MYH9: variants seen among roughly 807,000 people sequenced by gnomAD.
MYH9 encodes the protein myosin-9.
A neutral mutation model predicts 241.9 loss-of-function variants in MYH9; 29 were observed. That is an observed-to-expected ratio of 0.12 (90% CI 0.09 to 0.16). MYH9 has a LOEUF of 0.16. Ranked by LOEUF, MYH9 falls within the 10% of genes least tolerant of loss-of-function variation. MYH9 has a pLI of 1.00. For missense variants in MYH9, 1,803 were observed against 2,595.5 expected (o/e 0.69, Z 6.63); for synonymous variants, 1,047 against 1,062.6 (o/e 0.99, Z 0.29).
intron 19 of MYH9, among the ~76,000 whole-genome samples, chr22:36,303,241 G>C (rs927842241): frequency 6.6e-6 from 1 of 152,064 alleles, no homozygotes; most frequent in Non-Finnish European, 1.5e-5. Flanking sequence ...AAGGGGACGA[G>C]TGTGCAGTGC....
intron 3 of MYH9, among the ~76,000 whole-genome samples, chr22:36,332,568 G>A (rs748917894): frequency 1.0e-4 from 15 of 148,864 alleles, no homozygotes; most frequent in Admixed American, 2.0e-4. Context: ...TGATCTCCCA[G>A]GTGGAACCTG....
intron 10 of MYH9, among the ~76,000 whole-genome samples, chr22:36,318,893 A>G (rs2017204042): frequency 6.6e-6 from 1 of 151,992 alleles, no homozygotes; most frequent in African/African-American, 2.4e-5. Context: ...CCTCCCAAGT[A>G]GCTGGGATTA....
intron 14 of MYH9, 54 bp downstream of exon 14, chr22:36,311,995 A>G (rs2017071771): frequency 6.2e-7 from 1 of 1,600,512 alleles, no homozygotes; most frequent in South Asian, 1.1e-5. Context: ...GAGAGCCTCG[A>G]CTCCACCTCT....
Position 36,288,529 on chromosome 22 carries a change from C to G in MYH9, c.4771-116G>C, listed in dbSNP as rs1447507604. The G allele has an allele frequency of 1.3e-5, 18 of 1,429,626 alleles. No homozygotes were observed. The highest frequency in any genetic ancestry group is 1.6e-5 in the Non-Finnish European group (16 of 1,029,674). The allele number at this position is 1,429,626 out of a possible 1,614,324, so 88.6% of individuals were successfully genotyped here. ...CAGGATCCATGGGGCCTCGGGAAAC[C>G]AGTGGGGATTACTGACCATAAGAAC... On this transcript the variant is annotated intron_variant, in intron 33 of 40. Transcript: ENST00000216181. This position sits in a 1 kb window ranked among gnomAD's most constrained non-coding sequence, Gnocchi z 4.8.
chr22:36,348,835 A>AGGG, intron 2 of MYH9, 69 bp downstream of exon 2: 6 of 868,996 alleles, frequency 6.9e-6, no homozygotes, highest in Non-Finnish European at 9.9e-6. Context: ...GGTGATGGGA[A>AGGG]GACCCGCCCC....
Position 36,347,926 on chromosome 22 carries a change from C to T in MYH9, c.333+978G>A, listed in dbSNP as rs911425444. Among the ~76,000 whole-genome samples the T allele has an allele frequency of 3.3e-5, 5 of 151,510 alleles. No homozygotes were observed. In the East Asian group the frequency reaches 5.8e-4, roughly 18 times the overall value. Reference sequence around the variant, plus strand: ...CAAAGCAGGAAACCAGGAACTGGCACTCCCTACTTTAGAAGGAATCTACTA... The same window carrying T: ...CAAAGCAGGAAACCAGGAACTGGCATTCCCTACTTTAGAAGGAATCTACTA... On this transcript the variant is annotated intron_variant, in intron 2 of 40. Coordinates refer to ENST00000216181, the MANE Select transcript of MYH9 (RefSeq NM_002473.6).
intron 5 of MYH9, among the ~76,000 whole-genome samples, chr22:36,326,263 C>G (rs1874845376): frequency 6.6e-6 from 1 of 152,198 alleles, no homozygotes; most frequent in African/African-American, 2.4e-5. Flanking sequence ...CTTCCAGCCT[C>G]AGAAGGGGAG....
rs528446878 is a variant in MYH9 at position 36,348,282 on chromosome 22, G to A, written c.333+622C>T. Among the ~76,000 whole-genome samples, 153 of 151,310 alleles carry A rather than the reference G, an allele frequency of 1.0e-3. 1 individual carries two copies. The highest frequency in any genetic ancestry group is 3.4e-3 in the Middle Eastern group (1 of 292). On this transcript the variant is annotated intron_variant, in intron 2 of 40. Coordinates refer to ENST00000216181, the MANE Select transcript of MYH9 (RefSeq NM_002473.6). Reference sequence around the variant, plus strand: ...CCAGCACTTTGGGAGGCCGAGGCGGGTGGATCACCTGAGGTCAGGCATTCA... The same window carrying A: ...CCAGCACTTTGGGAGGCCGAGGCGGATGGATCACCTGAGGTCAGGCATTCA...
chr22:36,370,600 T>G (rs1207117514), intron 1 of MYH9, among the ~76,000 whole-genome samples: 5 of 152,182 alleles, frequency 3.3e-5, no homozygotes, highest in African/African-American at 7.2e-5. Flanking sequence ...GAGTTTAGGT[T>G]ATAGTCCTGC....
At chr22:36,327,403 C>A (rs2017352967) in intron 4 of MYH9, 58 bp downstream of exon 4, 1 of 1,607,896 alleles carries the variant, frequency 6.2e-7, no homozygotes, top group Non-Finnish European at 8.5e-7. Flanking sequence ...TAGGAGACCT[C>A]AAGAATGAGA....
At chr22:36,383,665 A>G (rs866393875) in intron 1 of MYH9, among the ~76,000 whole-genome samples, 4,032 of 142,362 alleles carry the variant, frequency 0.028, 73 homozygotes, top group Middle Eastern at 0.076. Flanking sequence ...TTAAAAAAAA[A>G]GGGGGGGGGG....
At chr22:36,346,151 C>CAAAAAAAAA (rs56232061) in intron 2 of MYH9, among the ~76,000 whole-genome samples, 2 of 121,284 alleles carry the variant, frequency 1.6e-5, no homozygotes, top group African/African-American at 6.0e-5. Flanking sequence ...GACTCCGTCT[C>CAAAAAAAAA]AAAAAAAAAA....
At position 36,286,813 on chromosome 22, in the gene MYH9, C is replaced by T. The variant is rs763871537; in HGVS notation, c.4966G>A (p.Asp1656Asn). The change falls in exon 35 of 41, where the codon GAC (aspartate) becomes AAC (asparagine). Residue 1656 changes from aspartate to asparagine, a missense_variant. Physicochemically the swap from Asp to Asn is conservative, Grantham distance 23 (BLOSUM62 1). Coordinates refer to ENST00000216181, the MANE Select transcript of MYH9 (RefSeq NM_002473.6). ...ATCTCCTCACGAGAGGCGCGGGTGT[C>T]ATCCAGCTCGCGCATGCAGTCCTTC... The part of the protein sequence containing the change: ...QMKDCMRELD[D>N]TRASREEILA... 3 of 1,611,174 alleles carry T rather than the reference C, an allele frequency of 1.9e-6. No homozygotes were observed. The highest frequency in any genetic ancestry group is 2.5e-6 in the Non-Finnish European group (3 of 1,180,028).
intron 11 of MYH9, among the ~76,000 whole-genome samples, chr22:36,317,100 G>A (rs188983966): frequency 3.3e-5 from 5 of 151,106 alleles, no homozygotes; most frequent in Admixed American, 6.6e-5. Context: ...CACCCTAAAC[G>A]CGCCCGATCT....
rs1226192819 is a variant in MYH9 at position 36,284,136 on chromosome 22, C to T, written c.5722G>A (p.Asp1908Asn). 5 of 1,614,084 alleles carry T rather than the reference C, an allele frequency of 3.1e-6. No individual in the cohort carries two copies. In the African/African-American group the frequency reaches 4.0e-5, roughly 13 times the overall value. The part of the protein sequence containing the change: ...RELEDATETA[D>N]AMNREVSSLK... ...GAGCTGACTTCGCGGTTCATGGCATCGGCCGTCTCAGTGGCGTCCTCCAGC... is the reference window on the plus strand; with the variant it reads ...GAGCTGACTTCGCGGTTCATGGCATTGGCCGTCTCAGTGGCGTCCTCCAGC... The change falls in exon 40 of 41, where the codon GAT (aspartate) becomes AAT (asparagine). Residue 1908 changes from aspartate to asparagine, a missense_variant. This residue lies in a region of MYH9 where 876 missense variants were observed against 1,077.8 expected (regional missense o/e 0.81). Coordinates refer to ENST00000216181, the MANE Select transcript of MYH9 (RefSeq NM_002473.6).
Position 36,329,487 on chromosome 22 carries a change from C to A in MYH9, c.491-1999G>T, listed in dbSNP as rs965652018. 6.6e-6 allele frequency among the ~76,000 whole-genome samples: 1 copy of A among 152,224 alleles called. No homozygotes were observed. The highest frequency in any genetic ancestry group is 2.4e-5 in the African/African-American group (1 of 41,460). ...TGTCATCCCAGCCCCCTGCCCTCCC[C>A]CACTGCGTCTCCCTGTGGTCTGCCC... is the stretch of plus-strand genomic sequence containing the variant. On this transcript the variant is annotated intron_variant, in intron 3 of 40. Coordinates refer to ENST00000216181, the MANE Select transcript of MYH9 (RefSeq NM_002473.6). The surrounding 1 kb of genome is among the most constrained non-coding windows in gnomAD (Gnocchi z 4.1).
At chr22:36,321,351 C>T (rs1171429156) in intron 7 of MYH9, among the ~76,000 whole-genome samples, 9 of 152,222 alleles carry the variant, frequency 5.9e-5, no homozygotes, top group Non-Finnish European at 1.3e-4. Flanking sequence ...CCTGGGTTCT[C>T]ACCTTCAAGG....
At chr22:36,361,164 GC>G (rs373739316) in intron 1 of MYH9, among the ~76,000 whole-genome samples, 26 of 152,292 alleles carry the variant, frequency 1.7e-4, no homozygotes, top group Admixed American at 8.5e-4. Flanking sequence ...CTGCGGGTGG[GC>G]CCCCCTTCCC....
Position 36,305,918 on chromosome 22 carries a change from G to A in MYH9, c.2159+12C>T. ...AGGGCCCAGGAGAAGCGGGCTCCGG[G>A]CCCTGGCTCACCTCTGCCGAAACTC... On this transcript the variant is annotated intron_variant, in intron 17 of 40. Coordinates refer to ENST00000216181, the MANE Select transcript of MYH9 (RefSeq NM_002473.6). The surrounding 1 kb of genome is among the most constrained non-coding windows in gnomAD (Gnocchi z 4.7). 5 of 1,612,774 alleles carry A rather than the reference G, an allele frequency of 3.1e-6. No individual in the cohort carries two copies. The South Asian group carries it at 3.3e-5, about 11-fold the overall frequency.
Sources: allele counts gnomAD v4.1 joint callset (sites outside exome capture counted in the v4.1 genomes callset), GRCh38; gene constraint gnomAD v4.1.1; regional missense constraint gnomAD v4.1.1; non-coding constraint Gnocchi (gnomAD v3.1); transcripts MANE v1.5; gene names NCBI Gene and HGNC (gene_info 2026-07-23, HGNC 2026-07-21).